The following RBP7 variants were observed in gnomAD, a reference collection of about 807,000 sequenced individuals.
RBP7 encodes the protein retinoid-binding protein 7.
RBP7 carries 13 observed loss-of-function variants against 16.7 expected under a neutral mutation model. That is an observed-to-expected ratio of 0.78 (90% CI 0.51 to 1.24). RBP7 has a LOEUF of 1.24. Ranked by LOEUF, RBP7 falls within the 50% of genes most tolerant of loss-of-function variation. The pLI is 0.00. For missense variants in RBP7, 145 were observed against 159.5 expected, an observed-to-expected ratio of 0.91 and a Z score of 0.49; for synonymous variants, 54 against 56.2, an observed-to-expected ratio of 0.96 and a Z score of 0.17.
chr1:9,999,257 C>T (rs139206688), intron 1 of RBP7, among the ~76,000 whole-genome samples: 1 of 152,018 alleles, frequency 6.6e-6, no homozygotes, highest in African/African-American at 2.4e-5. Context: ...TTATAAGTTA[C>T]CCACTCTTGC....
intron 3 of RBP7, among the ~76,000 whole-genome samples, chr1:10,012,607 C>T (rs115776546): frequency 1.4e-5 from 2 of 145,094 alleles, no homozygotes; most frequent in East Asian, 2.0e-4. Context: ...GCCTGGGGAA[C>T]GTAGGACTAG....
intron 1 of RBP7, among the ~76,000 whole-genome samples, chr1:10,003,118 T>G (rs1035010562): frequency 1.3e-5 from 2 of 152,140 alleles, no homozygotes; most frequent in Non-Finnish European, 2.9e-5. Context: ...ACCCCTTCCC[T>G]AGAAATGTCT....
At chr1:10,005,772 A>G (rs952480914) in intron 1 of RBP7, among the ~76,000 whole-genome samples, 1 of 152,068 alleles carries the variant, frequency 6.6e-6, no homozygotes, top group African/African-American at 2.4e-5. Context: ...CATGTTGCCC[A>G]GGCTGGTTTT....
intron 3 of RBP7, among the ~76,000 whole-genome samples, chr1:10,012,093 G>A (rs907219538): frequency 1.3e-5 from 2 of 151,632 alleles, no homozygotes; most frequent in African/African-American, 4.8e-5. Flanking sequence ...TGCCTCTAAT[G>A]CCAGCTACTC....
In RBP7 at chr1:9,997,881, G is replaced by C. The variant is rs889357075; in HGVS notation, c.73+550G>C. Among the ~76,000 whole-genome samples the C allele has an allele frequency of 4.0e-4, 61 of 152,202 alleles. No individual in the cohort carries two copies. Among genetic ancestry groups the C allele is most frequent in the Middle Eastern group, 3.4e-3 (1 of 290 alleles). ...CGGGTCGGGGATGCAGAATCCTGGA[G>C]CCAGCGGACGACCCTTCAGGTCCGG... On this transcript the variant is annotated intron_variant, in intron 1 of 3. Coordinates refer to ENST00000294435, the MANE Select transcript of RBP7 (RefSeq NM_052960.3). This position sits in a 1 kb window ranked among gnomAD's most constrained non-coding sequence, Gnocchi z 5.9.
At chr1:10,014,836 A>C (rs1225981080) in intron 3 of RBP7, among the ~76,000 whole-genome samples, 4 of 152,162 alleles carry the variant, frequency 2.6e-5, no homozygotes, top group African/African-American at 9.6e-5. Context: ...GAAATATGGG[A>C]GGTCCCAAAT....
chr1:10,007,241 C>T (rs1642473265), intron 1 of RBP7: 1 of 285,064 alleles, frequency 3.5e-6, no homozygotes, highest in African/African-American at 2.3e-5. Context: ...GCCACTGCAC[C>T]TGGCCTACAG....
rs577788697 is a variant in RBP7 at position 10,009,342 on chromosome 1, G to A, written c.354+1068G>A. 5.1e-4 allele frequency among the ~76,000 whole-genome samples: 78 copies of A among 152,102 alleles called. 1 individual carries two copies. In the East Asian group the frequency reaches 0.012, roughly 24 times the overall value. ...GGAGAATTGCTAGAACCAGTTAGTC[G>A]GAGGTTGCAGTGAGCCAAGATCGCA... On this transcript the variant is annotated intron_variant, in intron 3 of 3. Transcript: ENST00000294435.
At chr1:10,014,588 T>C (rs1354408860) in intron 3 of RBP7, among the ~76,000 whole-genome samples, 3 of 152,068 alleles carry the variant, frequency 2.0e-5, no homozygotes, top group South Asian at 2.1e-4. Context: ...GGTTTTGCCA[T>C]GTTGGCCAGG....
intron 1 of RBP7, chr1:10,004,175 C>T (rs1455107120): frequency 2.8e-5 from 4 of 144,570 alleles, no homozygotes; most frequent in African/African-American, 5.2e-5. Flanking sequence ...CCGGTTCAAA[C>T]AATTCTCCTG....
chr1:10,007,449 A>G, intron 1 of RBP7, 121 bp from the exon 2 acceptor site: 1 of 757,354 alleles, frequency 1.3e-6, no homozygotes, highest in Non-Finnish European at 2.1e-6. Context: ...GGCAGCAAAC[A>G]ACATAGAAGT....
chr1:10,015,737 A>G, intron 3 of RBP7, 45 bp from the exon 4 acceptor site: 1 of 1,530,656 alleles, frequency 6.5e-7, no homozygotes, highest in Non-Finnish European at 9.1e-7. Flanking sequence ...AAAACAGACC[A>G]CATGCAAACT....
At chr1:10,003,906 C>A (rs1642346287) in intron 1 of RBP7, among the ~76,000 whole-genome samples, 2 of 151,922 alleles carry the variant, frequency 1.3e-5, no homozygotes, top group African/African-American at 4.8e-5. Flanking sequence ...CAGGCACCCC[C>A]CACCACGCCT....
At chr1:10,013,790 A>G (rs1489536566) in intron 3 of RBP7, among the ~76,000 whole-genome samples, 1 of 151,960 alleles carries the variant, frequency 6.6e-6, no homozygotes, top group Non-Finnish European at 1.5e-5. Context: ...AGCCCGGGCA[A>G]CAAGAGCAAG....
chr1:9,998,387 TTTTC>T (rs34027227), intron 1 of RBP7, among the ~76,000 whole-genome samples: 83 of 127,598 alleles, frequency 6.5e-4, no homozygotes, highest in African/African-American at 1.6e-3. Flanking sequence ...TGTTTTCTTT[TTTTC>T]TTTCTTTCTT....
Position 10,007,574 on chromosome 1 carries a change from T to C in RBP7, c.78T>C (p.Ile26=), listed in dbSNP as rs1224652319. The change falls in exon 2 of 4, where the codon ATT becomes ATC. Residue 26 remains isoleucine (I), a synonymous_variant. Coordinates refer to ENST00000294435, the MANE Select transcript of RBP7 (RefSeq NM_052960.3). ...NFEGYMLALG[I]DFATRKIAKL... ...TTTTTAAAAATTATTTTTAAGGTAT[T>C]GACTTTGCCACTCGTAAAATAGCCA... 3.1e-6 allele frequency: 5 copies of C among 1,598,268 alleles called. No individual in the cohort carries two copies. The highest frequency in any genetic ancestry group is 4.3e-6 in the Non-Finnish European group (5 of 1,173,826).
At chr1:10,014,412 G>A (rs1642716435) in intron 3 of RBP7, among the ~76,000 whole-genome samples, 1 of 147,462 alleles carries the variant, frequency 6.8e-6, no homozygotes, top group Non-Finnish European at 1.5e-5. Flanking sequence ...TTGAGATGGA[G>A]TCTTGCTCTG....
rs145127190 is a variant in RBP7, at chr1:10,008,254, G to A, written c.334G>A (p.Glu112Lys). 3,942 of 1,609,898 alleles carry A rather than the reference G, an allele frequency of 2.4e-3. 8 individuals are homozygous for A. Among genetic ancestry groups the A allele is most frequent in the Non-Finnish European group, 2.7e-3 (3,124 of 1,176,652 alleles). ...KKNRGWTHWIEGDKLHLEMFC... is the reference protein window; with the variant it reads ...KKNRGWTHWIKGDKLHLEMFC... ...GAACAGAGGCTGGACCCATTGGATC[G>A]AAGGAGACAAACTCCACCTGGTATC... is the stretch of plus-strand genomic sequence containing the variant. The change falls in exon 3 of 4, where the codon GAA (glutamate) becomes AAA (lysine). Residue 112 changes from glutamate to lysine, a missense_variant. Coordinates refer to ENST00000294435, the MANE Select transcript of RBP7 (RefSeq NM_052960.3).
chr1:10,000,536 A>T (rs1420532984), intron 1 of RBP7, among the ~76,000 whole-genome samples: 1 of 151,930 alleles, frequency 6.6e-6, no homozygotes, highest in African/African-American at 2.4e-5. Context: ...TTGGTCTCAA[A>T]AAAAATAAGT....
Sources: allele counts gnomAD v4.1 joint callset (sites outside exome capture counted in the v4.1 genomes callset), GRCh38; gene constraint gnomAD v4.1.1; non-coding constraint Gnocchi (gnomAD v3.1); transcripts MANE v1.5; gene names NCBI Gene and HGNC (gene_info 2026-07-23, HGNC 2026-07-21).